The following DDX46 variants were observed in gnomAD, a reference collection of about 807,000 sequenced individuals.
DDX46 encodes the protein probable ATP-dependent RNA helicase DDX46.
Under a neutral mutation model 134.9 loss-of-function variants are expected in DDX46, and 30 were observed. The ratio of observed to expected loss-of-function variants is 0.22; its 90% CI spans 0.17 to 0.30. DDX46 has a LOEUF of 0.30. Among genes scored for constraint, DDX46 ranks in the 10% least tolerant of loss-of-function variants. The pLI is 1.00. For missense variants in DDX46, 622 were observed against 1,248.7 expected, an observed-to-expected ratio of 0.50 and a Z score of 7.56; for synonymous variants, 415 against 404.1, an observed-to-expected ratio of 1.03 and a Z score of -0.32.
At chr5:134,782,685 CAT>C (rs951680673) in intron 8 of DDX46, among the ~76,000 whole-genome samples, 2 of 151,910 alleles carry the variant, frequency 1.3e-5, no homozygotes, top group Admixed American at 1.3e-4. Context: ...GGACTACAGA[CAT>C]GTGCCACCAC....
In DDX46 at chr5:134,828,706, G is replaced by A. The variant is rs1755655149; in HGVS notation, c.3099G>A (p.Ter1033=). The A allele has an allele frequency of 1.3e-6, 2 of 1,506,068 alleles. No individual in the cohort carries two copies. Among genetic ancestry groups the A allele is most frequent in the Non-Finnish European group, 1.8e-6 (2 of 1,131,752 alleles). The allele number at this position is 1,506,068 out of a possible 1,614,324, so 93.3% of individuals were successfully genotyped here. A position where few individuals can be genotyped will look rare whatever the true frequency, so the allele number is the denominator to read the frequency against. Residue 1033 remains the stop codon, a stop_retained_variant, in exon 23 of 23, where the codon TAG becomes TAA. Transcript: ENST00000452510. ...PTNKGRYKVL[*] is the part of the protein sequence containing the mutation. ...ATAAAGGAAGATACAAAGTCTTATA[G>A]ACATCCGGAAAAAAGATTTTTACCT...
chr5:134,780,670 TTA>T (rs1754124422), intron 6 of DDX46: 1 of 151,284 alleles, frequency 6.6e-6, no homozygotes, highest in Admixed American at 6.6e-5. Context: ...TAAAATATAA[TTA>T]TATTATGCTT....
At position 134,770,905 on chromosome 5, in the gene DDX46, C is replaced by G; in HGVS notation, c.353C>G (p.Ser118Cys). 6.3e-7 allele frequency: 1 copy of G among 1,575,428 alleles called. No homozygotes were observed. The highest frequency in any genetic ancestry group is 8.6e-7 in the Non-Finnish European group (1 of 1,167,120). The change falls in exon 4 of 23, where the codon TCT becomes TGT. Residue 118 changes from serine (S) to cysteine (C), a missense_variant and splice_region_variant. This residue lies in a region of DDX46 where 244 missense variants were observed against 349.3 expected (regional missense o/e 0.70). Transcript: ENST00000452510. Reference protein sequence around the residue: ...GNKSKKTENRSRSKEKTDGGE... With the variant: ...GNKSKKTENRCRSKEKTDGGE... ...TGTCTCTTTTATTTTTTTGGTAGAT[C>G]TAGGTCCAAAGAGAAAACTGATGGT...
intron 3 of DDX46, among the ~76,000 whole-genome samples, chr5:134,770,086 G>A (rs979235450): frequency 3.3e-5 from 5 of 151,658 alleles, no homozygotes; most frequent in East Asian, 3.9e-4. Flanking sequence ...TAATAGAGAC[G>A]AGGTCTCACT....
At chr5:134,781,083 A>G in intron 6 of DDX46, 50 bp from the exon 7 acceptor site, 1 of 1,338,788 alleles carries the variant, frequency 7.5e-7, no homozygotes, top group Middle Eastern at 1.9e-4. Context: ...GCAGTCATAT[A>G]ACTTGTGTTT....
In DDX46 at chr5:134,766,998, A is replaced by G. The variant is rs1187763777; in HGVS notation, c.288A>G (p.Arg96=). ...GAGACAGGAGACGCTCAAGGAGTAG[A>G]AGCCGGGGCCGGCGATCCCGATCCT... ...RSRDRRRSRS[R]SRGRRSRSSS... is the part of the protein sequence containing the mutation. Residue 96 remains arginine (R), a synonymous_variant, in exon 3 of 23, where the codon AGA becomes AGG. Coordinates refer to ENST00000452510, the MANE Select transcript of DDX46 (RefSeq NM_001300860.2). 6.2e-7 allele frequency: 1 copy of G among 1,614,054 alleles called. No homozygotes were observed. Among genetic ancestry groups the G allele is most frequent in the Non-Finnish European group, 8.5e-7 (1 of 1,180,020 alleles).
intron 18 of DDX46, among the ~76,000 whole-genome samples, 196 bp from the exon 19 acceptor site, chr5:134,816,234 A>AT (rs1304835262): frequency 3.9e-5 from 6 of 152,130 alleles, no homozygotes; most frequent in African/African-American, 1.4e-4. Flanking sequence ...TAGACAACTG[A>AT]TTTTTTAAAT....
At chr5:134,767,089 G>A in intron 3 of DDX46, 29 bp downstream of exon 3, 1 of 1,577,654 alleles carries the variant, frequency 6.3e-7, no homozygotes, top group Non-Finnish European at 8.6e-7. Context: ...TGCATCTATA[G>A]TGCAGACTGG....
At chr5:134,793,194 A>G (rs1012585122) in intron 13 of DDX46, among the ~76,000 whole-genome samples, 1 of 152,036 alleles carries the variant, frequency 6.6e-6, no homozygotes, top group Non-Finnish European at 1.5e-5. Flanking sequence ...GTTTGTGATT[A>G]TTTTGTGAGC....
chr5:134,815,729 A>AT lies in DDX46; in HGVS notation c.2437-701_2437-700insT, dbSNP rs1378549076. Reference sequence around the variant, plus strand: ...CTCAAAAAAAAAAAAAAAAAAAAAAAAAAGAAATGCACCTAGCAGTAGGGC... The same window carrying AT: ...CTCAAAAAAAAAAAAAAAAAAAAAAATAAAGAAATGCACCTAGCAGTAGGGC... On this transcript the variant is annotated intron_variant, in intron 18 of 22. Transcript: ENST00000452510. 9.3e-5 allele frequency among the ~76,000 whole-genome samples: 14 copies of AT among 151,338 alleles called. No individual in the cohort carries two copies. The East Asian group carries it at 2.7e-3, about 29-fold the overall frequency.
chr5:134,762,503 C>G (rs1753422095), intron 1 of DDX46, among the ~76,000 whole-genome samples: 1 of 151,986 alleles, frequency 6.6e-6, no homozygotes, highest in South Asian at 2.1e-4. Context: ...GAGGCTGAGG[C>G]AGGTAGATCA....
At chr5:134,796,467 G>A (rs183643996) in intron 15 of DDX46, among the ~76,000 whole-genome samples, 2 of 152,126 alleles carry the variant, frequency 1.3e-5, no homozygotes, top group East Asian at 3.9e-4. Flanking sequence ...ACTTTAAAGA[G>A]CTTTTATTGA....
chr5:134,820,429 C>T (rs2150160674), intron 21 of DDX46, among the ~76,000 whole-genome samples: 1 of 152,302 alleles, frequency 6.6e-6, no homozygotes, highest in Admixed American at 6.5e-5. Flanking sequence ...ATGGCACGAT[C>T]TTGGCTTACT....
At chr5:134,788,414 G>C in intron 11 of DDX46, 99 bp from the exon 12 acceptor site, 1 of 917,828 alleles carries the variant, frequency 1.1e-6, no homozygotes, top group Non-Finnish European at 1.7e-6. Context: ...AGGAAGCTTG[G>C]AAGTCTTCTA....
chr5:134,783,302 T>C (rs1380220673), intron 9 of DDX46, among the ~76,000 whole-genome samples: 1 of 151,354 alleles, frequency 6.6e-6, no homozygotes, highest in African/African-American at 2.4e-5. Flanking sequence ...CAGGGTGGAG[T>C]GCAGTGGTGC....
chr5:134,758,970 C>G lies in DDX46; in HGVS notation c.17+15C>G, dbSNP rs561616406. The G allele has an allele frequency of 3.1e-6, 5 of 1,610,562 alleles. No individual in the cohort carries two copies. Among genetic ancestry groups the G allele is most frequent in the Non-Finnish European group, 1.7e-6 (2 of 1,179,750 alleles). Reference sequence around the variant, plus strand: ...CGGGAGTCACGGTGAGGCAGAGCGCCGAGCGGGCTAGCGGGCGAGCGGCTT... The same window carrying G: ...CGGGAGTCACGGTGAGGCAGAGCGCGGAGCGGGCTAGCGGGCGAGCGGCTT... On this transcript the variant is annotated intron_variant, in intron 1 of 22. Transcript: ENST00000452510.
At position 134,816,564 on chromosome 5, in the gene DDX46, T is replaced by C. The variant is rs369046186; in HGVS notation, c.2571T>C (p.Leu857=). 6.2e-7 allele frequency: 1 copy of C among 1,613,908 alleles called. No individual in the cohort carries two copies. The highest frequency in any genetic ancestry group is 1.3e-5 in the African/African-American group (1 of 75,060). Residue 857 remains leucine, a synonymous_variant, in exon 19 of 23, where the codon CTT becomes CTC. Transcript: ENST00000452510. ...EKLEIAKRLA[L]RINAQKNLGI... ...TAGAAATTGCTAAGAGATTGGCTCTTAGAATCAATGCCCAGAAGAATTTGG... is the reference window on the plus strand; with the variant it reads ...TAGAAATTGCTAAGAGATTGGCTCTCAGAATCAATGCCCAGAAGAATTTGG...
At chr5:134,791,425 G>A (rs1580797226) in intron 13 of DDX46, among the ~76,000 whole-genome samples, 1 of 152,122 alleles carries the variant, frequency 6.6e-6, no homozygotes, top group Admixed American at 6.5e-5. Flanking sequence ...GCCGGGCTTG[G>A]TGGCAGGCGC....
intron 21 of DDX46, among the ~76,000 whole-genome samples, chr5:134,823,555 CT>C (rs1234198578): frequency 1.3e-5 from 2 of 152,134 alleles, no homozygotes; most frequent in Non-Finnish European, 2.9e-5. Context: ...GCAAACTACA[CT>C]TTTTTCTTCA....
Sources: gnomAD v4.1 joint callset for allele counts (sites outside exome capture counted in the v4.1 genomes callset) on GRCh38, gnomAD v4.1.1 for gene constraint, gnomAD v4.1.1 regional missense constraint, MANE v1.5 for transcripts, NCBI Gene and HGNC (gene_info 2026-07-23, HGNC 2026-07-21) for gene names.